Variants in TM9SF4 observed in about 807,000 individuals in gnomAD.
The protein encoded by TM9SF4 is dinucleotide oxidase disulfide thiol exchanger 3 superfamily member 4.
TM9SF4 carries 26 observed loss-of-function variants against 90.4 expected under a neutral mutation model. The ratio of observed to expected loss-of-function variants is 0.29; its 90% CI spans 0.21 to 0.40. TM9SF4 has a LOEUF of 0.40. TM9SF4 is among the 10% of genes least tolerant of loss of function. TM9SF4 has a pLI of 1.00. For missense variants in TM9SF4, 549 were observed against 834.8 expected (o/e 0.66, Z 4.22); for synonymous variants, 293 against 315.4 (o/e 0.93, Z 0.75).
intron 12 of TM9SF4, among the ~76,000 whole-genome samples, chr20:32,152,315 C>A (rs2046854420): frequency 6.6e-6 from 1 of 151,570 alleles, no homozygotes; most frequent in Non-Finnish European, 1.5e-5. Context: ...CAGGATTTCC[C>A]TCGATGGATC....
Position 32,141,782 on chromosome 20 carries a change from C to T in TM9SF4, c.415C>T (p.Pro139Ser). The change falls in exon 5 of 18, where the codon CCT becomes TCT. Residue 139 changes from proline (P) to serine (S), a missense_variant. Coordinates refer to ENST00000398022, the MANE Select transcript of TM9SF4 (RefSeq NM_014742.4). ...YYVHLIADNL[P>S]VATRLELYSN... ...ACTTTCCAGCATTGCTGACAACCTGCCTGTGGCCACCCGGCTGGAGCTCTA... is the reference window on the plus strand; with the variant it reads ...ACTTTCCAGCATTGCTGACAACCTGTCTGTGGCCACCCGGCTGGAGCTCTA... 1.2e-6 allele frequency: 2 copies of T among 1,614,160 alleles called. No homozygotes were observed. Among genetic ancestry groups the T allele is most frequent in the Non-Finnish European group, 1.7e-6 (2 of 1,180,014 alleles).
chr20:32,118,653 T>C (rs1349890771), intron 1 of TM9SF4, among the ~76,000 whole-genome samples: 3 of 151,504 alleles, frequency 2.0e-5, no homozygotes, highest in African/African-American at 7.3e-5. Context: ...ATTTTTATTT[T>C]GAGACAAGGT....
intron 17 of TM9SF4, among the ~76,000 whole-genome samples, chr20:32,162,344 T>C (rs992719345): frequency 6.6e-5 from 10 of 152,228 alleles, no homozygotes; most frequent in East Asian, 1.9e-4. Flanking sequence ...GCTGTACCCC[T>C]ACCTCCAGTC....
rs779410842 is a variant in TM9SF4, at chr20:32,166,189, T to G, written c.*745T>G. 6.5e-6 allele frequency: 1 copy of G among 152,820 alleles called. No homozygotes were observed. The highest frequency in any genetic ancestry group is 1.5e-5 in the Non-Finnish European group (1 of 68,154). The allele number at this position is 152,820 out of a possible 1,614,324, so 9.5% of individuals were successfully genotyped here. On this transcript the variant is annotated 3_prime_UTR_variant, in exon 18 of 18. Coordinates refer to ENST00000398022, the MANE Select transcript of TM9SF4 (RefSeq NM_014742.4). ...GCCCCTGTTCAGAGCAGCCGGAGTT[T>G]GCTGGACCACAAGGAAGAAGAGAAG... is the stretch of plus-strand genomic sequence containing the variant.
intron 6 of TM9SF4, among the ~76,000 whole-genome samples, chr20:32,143,448 C>G (rs886985155): frequency 7.9e-5 from 12 of 152,222 alleles, no homozygotes; most frequent in Admixed American, 2.6e-4. Flanking sequence ...CTCACAAGAA[C>G]CAGCCAGCTC....
chr20:32,166,000 CCT>C lies in TM9SF4; in HGVS notation c.*561_*562del, dbSNP rs1215740807. ...TCAGTGCCAGCCAGCCTCTGCCAGA[CCT>C]CTCTTTCCCTCTTCTCCCCAGCCTC... On this transcript the variant is annotated 3_prime_UTR_variant, in exon 18 of 18. Coordinates refer to ENST00000398022, the MANE Select transcript of TM9SF4 (RefSeq NM_014742.4). 6.5e-6 allele frequency: 1 copy of C among 153,982 alleles called. No individual in the cohort carries two copies. Among genetic ancestry groups the C allele is most frequent in the Non-Finnish European group, 1.4e-5 (1 of 69,108 alleles). 9.5% of individuals were successfully genotyped at this position (153,982 alleles called of 1,614,324 possible).
intron 1 of TM9SF4, among the ~76,000 whole-genome samples, chr20:32,123,200 GGGGGAGGGGGAGGGGGGA>G (rs2046358058): frequency 8.8e-5 from 1 of 11,352 alleles, no homozygotes; most frequent in African/African-American, 2.4e-4. Context: ...AGAGGGGGAG[GGGGGAGGGGGAGGGGGGA>G]GGGGGAGAGG....
At chr20:32,130,457 G>T (rs111535529) in intron 1 of TM9SF4, among the ~76,000 whole-genome samples, 38 of 152,264 alleles carry the variant, frequency 2.5e-4, no homozygotes, top group Non-Finnish European at 5.0e-4. Context: ...AAAAAAGAGG[G>T]CAGGGTTTAT....
intron 12 of TM9SF4, among the ~76,000 whole-genome samples, chr20:32,154,186 A>G (rs772953678): frequency 3.1e-4 from 47 of 151,998 alleles, no homozygotes; most frequent in African/African-American, 1.1e-3. Flanking sequence ...GTCTTGCTCT[A>G]TTACCCAGGC....
chr20:32,165,213 T>G, intron 17 of TM9SF4, 82 bp from the exon 18 acceptor site: 12 of 1,577,390 alleles, frequency 7.6e-6, no homozygotes, highest in Non-Finnish European at 9.5e-6. Context: ...TTCCCCATGA[T>G]ATCAGTGAGA....
In TM9SF4 at chr20:32,166,380, T is replaced by A. The variant is rs1459169285; in HGVS notation, c.*936T>A. On this transcript the variant is annotated 3_prime_UTR_variant, in exon 18 of 18. Transcript: ENST00000398022. ...GCCCTTTCCTCAGGAGGTACCGCTC[T>A]CCAAGGTGTGCTAGCAGTGGGCCCT... 6.5e-6 allele frequency: 1 copy of A among 152,736 alleles called. No individual in the cohort carries two copies. Among genetic ancestry groups the A allele is most frequent in the Non-Finnish European group, 1.5e-5 (1 of 68,188 alleles). 9.5% of individuals were successfully genotyped at this position (152,736 alleles called of 1,614,324 possible).
At chr20:32,135,798 G>A (rs1315613648) in intron 2 of TM9SF4, among the ~76,000 whole-genome samples, 1 of 152,136 alleles carries the variant, frequency 6.6e-6, no homozygotes, top group African/African-American at 2.4e-5. Flanking sequence ...TAGGAAAGAT[G>A]CCCAAAAGTG....
intron 10 of TM9SF4, among the ~76,000 whole-genome samples, chr20:32,150,155 T>G (rs2046820893): frequency 6.6e-6 from 1 of 152,220 alleles, no homozygotes; most frequent in Non-Finnish European, 1.5e-5. Context: ...TTAGACAGCT[T>G]TGGAGTCAGT....
chr20:32,110,012 C>T, intron 1 of TM9SF4: 1 of 1,401,570 alleles, frequency 7.1e-7, no homozygotes, highest in South Asian at 1.6e-5. Context: ...TTCGCCGGTT[C>T]CCATTCTACT....
intron 1 of TM9SF4, among the ~76,000 whole-genome samples, chr20:32,131,543 T>TGTA (rs1402620772): frequency 6.6e-6 from 1 of 150,512 alleles, no homozygotes; most frequent in African/African-American, 2.5e-5. Context: ...TTGGATGGGG[T>TGTA]GTAACTTGAT....
intron 1 of TM9SF4, among the ~76,000 whole-genome samples, chr20:32,128,915 C>T (rs769556681): frequency 1.3e-4 from 19 of 151,652 alleles, no homozygotes; most frequent in Non-Finnish European, 1.9e-4. Flanking sequence ...GCACTGGGGC[C>T]GGTGGGTGGA....
At chr20:32,128,054 C>T (rs2046449396) in intron 1 of TM9SF4, among the ~76,000 whole-genome samples, 1 of 152,206 alleles carries the variant, frequency 6.6e-6, no homozygotes, top group South Asian at 2.1e-4. Context: ...TTGAGTTCCA[C>T]TTCTACCACA....
intron 1 of TM9SF4, among the ~76,000 whole-genome samples, chr20:32,123,861 TATATA>T (rs1398580549): frequency 1.2e-5 from 1 of 82,566 alleles, no homozygotes; most frequent in African/African-American, 6.1e-5. Context: ...TATATATATA[TATATA>T]TTTTTTTTTT....
At chr20:32,137,006 G>A in intron 3 of TM9SF4, 1 of 467,558 alleles carries the variant, frequency 2.1e-6, no homozygotes, top group Non-Finnish European at 4.4e-6. Flanking sequence ...AGGTATTGGG[G>A]GTCCTGGACC....
Sources: allele counts gnomAD v4.1 joint callset (sites outside exome capture counted in the v4.1 genomes callset), GRCh38; gene constraint gnomAD v4.1.1; transcripts MANE v1.5; gene names NCBI Gene and HGNC (gene_info 2026-07-23, HGNC 2026-07-21).